Variants in DNM1L observed in about 807,000 individuals in gnomAD.
The protein encoded by DNM1L is dynamin 1L, also known as dynamin-1-like protein.
DNM1L carries 33 observed loss-of-function variants against 92.8 expected under a neutral mutation model. The observed-to-expected ratio is 0.36, with a 90% confidence interval of 0.27 to 0.48. The LOEUF (loss-of-function observed/expected upper bound fraction) is 0.48, where lower values mean the gene tolerates loss of function less well. Among genes scored for constraint, DNM1L ranks in the 20% least tolerant of loss-of-function variants. The pLI is 0.99. For synonymous variants in DNM1L, 284 were observed against 305.0 expected (o/e 0.93, Z 0.72); for missense variants, 485 against 888.8 (o/e 0.55, Z 5.78).
At chr12:32,681,589 C>T (rs1390091145) in intron 1 of DNM1L, among the ~76,000 whole-genome samples, 2 of 134,348 alleles carry the variant, frequency 1.5e-5, no homozygotes, top group East Asian at 2.5e-4. Flanking sequence ...TATTTTCTCC[C>T]CACACCGCCC....
chr12:32,717,240 TTATATATAG>T (rs1217889845), intron 6 of DNM1L, among the ~76,000 whole-genome samples: 50 of 108,082 alleles, frequency 4.6e-4, no homozygotes, highest in African/African-American at 1.6e-3. Flanking sequence ...TATATATATT[TTATATATAG>T]TATATATAGT....
At chr12:32,694,533 T>G (rs1952359551) in intron 1 of DNM1L, among the ~76,000 whole-genome samples, 1 of 152,186 alleles carries the variant, frequency 6.6e-6, no homozygotes, top group African/African-American at 2.4e-5. Context: ...AAGTATAAAA[T>G]AACTTTTATA....
intron 1 of DNM1L, among the ~76,000 whole-genome samples, chr12:32,692,065 G>C (rs1952256354): frequency 1.3e-5 from 2 of 152,090 alleles, no homozygotes; most frequent in South Asian, 4.1e-4. Flanking sequence ...GTTTAATAGA[G>C]TTCTTAGGGA....
intron 1 of DNM1L, among the ~76,000 whole-genome samples, chr12:32,684,987 T>A (rs191120123): frequency 2.0e-5 from 3 of 150,872 alleles, no homozygotes; most frequent in Admixed American, 6.6e-5. Flanking sequence ...TCACACAGGC[T>A]GGAATGCAGT....
intron 5 of DNM1L, 67 bp downstream of exon 5, chr12:32,711,082 A>T: frequency 1.5e-6 from 2 of 1,345,188 alleles, no homozygotes; most frequent in Admixed American, 1.7e-5. Flanking sequence ...ATATGAGAAT[A>T]ATCAGCTTCT....
chr12:32,737,600 C>G, intron 14 of DNM1L: 1 of 456,224 alleles, frequency 2.2e-6, no homozygotes, highest in East Asian at 4.5e-5. Context: ...GAATTCTTTG[C>G]CAGAAAAGAA....
In DNM1L at chr12:32,679,307, C is replaced by G; in HGVS notation, c.-57C>G. 1 of 1,246,296 alleles carries G rather than the reference C, an allele frequency of 8.0e-7. No homozygotes were observed. The highest frequency in any genetic ancestry group is 1.2e-6 in the Non-Finnish European group (1 of 855,388). 77.2% of individuals were successfully genotyped at this position (1,246,296 alleles called of 1,614,324 possible). A position where few individuals can be genotyped will look rare whatever the true frequency, so the allele number is the denominator to read the frequency against. On this transcript the variant is annotated 5_prime_UTR_variant, in exon 1 of 20. Coordinates refer to ENST00000549701, the MANE Select transcript of DNM1L (RefSeq NM_012062.5). ...AGGAGGAAGGAGGCGAACTGTGGGC[C>G]CCGGCCCCATTCATTGCCGTGGCCG...
chr12:32,689,209 A>G (rs1952137118), intron 1 of DNM1L, among the ~76,000 whole-genome samples: 2 of 152,002 alleles, frequency 1.3e-5, no homozygotes, highest in East Asian at 3.9e-4. Flanking sequence ...ATTTTATTTT[A>G]TTTTTGAGGC....
chr12:32,726,034 T>A (rs770140230), intron 9 of DNM1L, among the ~76,000 whole-genome samples: 7 of 150,594 alleles, frequency 4.6e-5, no homozygotes, highest in Non-Finnish European at 8.9e-5. Flanking sequence ...GCTGAAAAAA[T>A]ACTTTGGTTC....
rs10844313 is a variant in DNM1L, at chr12:32,718,392, T to C, written c.620-251T>C. On this transcript the variant is annotated intron_variant, in intron 6 of 19. Transcript: ENST00000549701. Reference sequence around the variant, plus strand: ...CCTGATCTCAGGTGATCCACCCGCCTTGGCCTTCCAAACTGCTAGAATTAC... The same window carrying C: ...CCTGATCTCAGGTGATCCACCCGCCCTGGCCTTCCAAACTGCTAGAATTAC... 0.14 allele frequency among the ~76,000 whole-genome samples: 21,573 copies of C among 151,800 alleles called. 1,569 individuals carry two copies. Among genetic ancestry groups the C allele is most frequent in the Middle Eastern group, 0.18 (54 of 292 alleles).
chr12:32,727,310 G>A (rs1470607584), intron 9 of DNM1L: 2 of 930,796 alleles, frequency 2.1e-6, no homozygotes, highest in Non-Finnish European at 3.6e-6. Context: ...TAACTTGCAG[G>A]TTTTTGAGAG....
In DNM1L at chr12:32,679,385, A is replaced by G; in HGVS notation, c.22A>G (p.Ile8Val). 1 of 1,613,828 alleles carries G rather than the reference A, an allele frequency of 6.2e-7. No individual in the cohort carries two copies. The highest frequency in any genetic ancestry group is 8.5e-7 in the Non-Finnish European group (1 of 1,179,844). MEALIPV[I>V]NKLQDVFNTV... is the part of the protein sequence containing the mutation. ...AGTCATGGAGGCGCTAATTCCTGTCATAAACAAGCTCCAGGACGTCTTCAA... is the reference window on the plus strand; with the variant it reads ...AGTCATGGAGGCGCTAATTCCTGTCGTAAACAAGCTCCAGGACGTCTTCAA... The change falls in exon 1 of 20, where the codon ATA (isoleucine) becomes GTA (valine). Residue 8 changes from isoleucine (I) to valine (V), a missense_variant. This residue lies in a region of DNM1L where 19 missense variants were observed against 16.1 expected (regional missense o/e 1.18). Coordinates refer to ENST00000549701, the MANE Select transcript of DNM1L (RefSeq NM_012062.5).
At chr12:32,711,324 T>C in intron 5 of DNM1L, 1 of 316,526 alleles carries the variant, frequency 3.2e-6, no homozygotes. Flanking sequence ...CTAGGTACAC[T>C]TTCCCTTTGA....
intron 6 of DNM1L, among the ~76,000 whole-genome samples, chr12:32,717,015 T>C (rs1953411075): frequency 7.0e-6 from 1 of 143,086 alleles, no homozygotes; most frequent in South Asian, 2.1e-4. Context: ...TTCCAACTGC[T>C]CTGCATAGTG....
Position 32,711,025 on chromosome 12 carries a change from G to A in DNM1L, c.456+10G>A, listed in dbSNP as rs1953105233. The A allele has an allele frequency of 6.2e-7, 1 of 1,612,184 alleles. No homozygotes were observed. Among genetic ancestry groups the A allele is most frequent in the East Asian group, 2.2e-5 (1 of 44,816 alleles). ...GCCAGGAATGACCAAGGTAAGGAAG[G>A]AATAGTTGTAGATTTGGTCAGGTTG... On this transcript the variant is annotated intron_variant, in intron 5 of 19. Transcript: ENST00000549701.
At chr12:32,708,898 C>G (rs1953024204) in intron 4 of DNM1L, among the ~76,000 whole-genome samples, 2 of 151,962 alleles carry the variant, frequency 1.3e-5, no homozygotes, top group South Asian at 2.1e-4. Context: ...TATATTATCT[C>G]TTGAGATTTT....
rs1955593212 is a variant in DNM1L, at chr12:32,745,572, C to A, written c.*2162C>A. 1 of 152,304 alleles carries A rather than the reference C, an allele frequency of 6.6e-6. No individual in the cohort carries two copies. Among genetic ancestry groups the A allele is most frequent in the African/African-American group, 2.4e-5 (1 of 41,444 alleles). 9.4% of individuals were successfully genotyped at this position (152,304 alleles called of 1,614,324 possible). On this transcript the variant is annotated 3_prime_UTR_variant, in exon 20 of 20. Transcript: ENST00000549701. The stretch of plus-strand genomic sequence containing the variant: ...ACTAAAGTTTGTCAAAAAATGAATT[C>A]TTAACTTTTCTCCCAGAGAAAGGGA...
rs1954938694 is a variant in DNM1L at position 32,737,117 on chromosome 12, A to T, written c.1552A>T (p.Asn518Tyr). The change falls in exon 14 of 20, where the codon AAC (asparagine) becomes TAC (tyrosine). Residue 518 changes from asparagine (N) to tyrosine (Y), a missense_variant. Around this residue, in one of 11 missense-constraint regions of DNM1L, gnomAD observed 65 missense variants for 59.4 expected, o/e 1.09. Coordinates refer to ENST00000549701, the MANE Select transcript of DNM1L (RefSeq NM_012062.5). ...MNNNIEEQRR[N>Y]RLARELPSAV... ...TTGTGTTTCTTAGGAACAAAGGAGAAACAGGCTAGCCAGAGAATTACCTTC... is the reference window on the plus strand; with the variant it reads ...TTGTGTTTCTTAGGAACAAAGGAGATACAGGCTAGCCAGAGAATTACCTTC... 6.2e-7 allele frequency: 1 copy of T among 1,613,786 alleles called. No homozygotes were observed. The highest frequency in any genetic ancestry group is 8.5e-7 in the Non-Finnish European group (1 of 1,179,872).
chr12:32,714,524 G>T (rs1049722394), intron 6 of DNM1L, among the ~76,000 whole-genome samples: 1 of 151,532 alleles, frequency 6.6e-6, no homozygotes, highest in Admixed American at 6.6e-5. Flanking sequence ...CGCCCGCCTC[G>T]GCCTCCCAGA....
Sources: gnomAD v4.1 joint callset for allele counts (sites outside exome capture counted in the v4.1 genomes callset) on GRCh38, gnomAD v4.1.1 for gene constraint, gnomAD v4.1.1 regional missense constraint, MANE v1.5 for transcripts, NCBI Gene and HGNC (gene_info 2026-07-23, HGNC 2026-07-21) for gene names.